The following ACOT12 variants were observed in gnomAD, a reference collection of about 807,000 sequenced individuals.
The protein encoded by ACOT12 is acyl-CoA thioesterase 12, also known as acetyl-coenzyme A thioesterase.
Under a neutral mutation model 67.7 loss-of-function variants are expected in ACOT12, and 51 were observed. The ratio of observed to expected loss-of-function variants is 0.75; its 90% CI spans 0.60 to 0.95. The LOEUF (loss-of-function observed/expected upper bound fraction) is 0.95. Among genes scored for constraint, ACOT12 ranks in the 40% least tolerant of loss-of-function variants. The pLI, the probability that ACOT12 is intolerant of heterozygous loss-of-function variation, is 0.00. For synonymous variants in ACOT12, 251 were observed against 244.6 expected, an observed-to-expected ratio of 1.03 and a Z score of -0.24; for missense variants, 734 against 708.1, an observed-to-expected ratio of 1.04 and a Z score of -0.41.
the ACOT12 span, chr5:81,312,817 T>A: frequency 1.9e-6 from 1 of 538,504 alleles, no homozygotes; most frequent in Non-Finnish European, 3.3e-6. Context: ...TTATTCTGTC[T>A]ATCAAATAGT....
At position 81,343,885 on chromosome 5, in the gene ACOT12, GA is replaced by G. The variant is rs745476105; in HGVS notation, c.981-5del. 1.6e-4 allele frequency: 248 copies of G among 1,597,576 alleles called. No individual in the cohort carries two copies. Among genetic ancestry groups the G allele is most frequent in the Non-Finnish European group, 2.0e-4 (238 of 1,170,946 alleles). On this transcript the variant is annotated splice_region_variant and splice_polypyrimidine_tract_variant and intron_variant, in intron 9 of 14. Coordinates refer to ENST00000307624, the MANE Select transcript of ACOT12 (RefSeq NM_130767.3). ...TTTGTGGGAAATAACATATTTTCTGGAAAAAAAAATTAAAGTGTTAAATGAC... is the reference window on the plus strand; with the variant it reads ...TTTGTGGGAAATAACATATTTTCTGGAAAAAAAATTAAAGTGTTAAATGAC...
At chr5:81,382,579 C>T (rs113144140) in intron 2 of ACOT12, among the ~76,000 whole-genome samples, 15,897 of 151,932 alleles carry the variant, frequency 0.1, 887 homozygotes, top group South Asian at 0.13. Flanking sequence ...GGTGGATCAC[C>T]TGAGATCAGG....
intron 5 of ACOT12, among the ~76,000 whole-genome samples, chr5:81,355,807 G>A (rs1759693910): frequency 6.6e-6 from 1 of 152,206 alleles, no homozygotes; most frequent in African/African-American, 2.4e-5. Context: ...AGAGGCCAGA[G>A]AGGAGCAAGT....
chr5:81,371,621 C>T lies in ACOT12; in HGVS notation c.258+129G>A, dbSNP rs549400374. 454 of 887,770 alleles carry T rather than the reference C, an allele frequency of 5.1e-4. 1 individual carries two copies. Among genetic ancestry groups the T allele is most frequent in the Non-Finnish European group, 7.5e-4 (422 of 563,698 alleles). 55.0% of individuals were successfully genotyped at this position (887,770 alleles called of 1,614,324 possible). ...ATTATTTACCTGTGACCTGACTACA[C>T]ATTCCAGAGCCTTCTGAAATAGAGA... is the stretch of plus-strand genomic sequence containing the variant. On this transcript the variant is annotated intron_variant, in intron 3 of 14. Coordinates refer to ENST00000307624, the MANE Select transcript of ACOT12 (RefSeq NM_130767.3).
intron 1 of ACOT12, 52 bp downstream of exon 1, chr5:81,393,936 C>A (rs969381494): frequency 9.3e-6 from 12 of 1,286,196 alleles, no homozygotes; most frequent in Middle Eastern, 3.0e-4. Flanking sequence ...CAGCCGCCGC[C>A]GCTCCCGCAG....
the ACOT12 span, among the ~76,000 whole-genome samples, chr5:81,323,633 A>T: frequency 7.2e-5 from 11 of 152,086 alleles, no homozygotes; most frequent in African/African-American, 2.7e-4. Flanking sequence ...AGTTCTGAAT[A>T]ATCATCTAAT....
chr5:81,361,440 A>G lies in ACOT12; in HGVS notation c.361-1402T>C, dbSNP rs1025566765. 3.9e-5 allele frequency among the ~76,000 whole-genome samples: 6 copies of G among 151,986 alleles called. No individual in the cohort carries two copies. The East Asian group carries it at 9.7e-4, about 25-fold the overall frequency. On this transcript the variant is annotated intron_variant, in intron 4 of 14. Transcript: ENST00000307624. ...GGTCTCAAACTTCTGGCCTCAAGCA[A>G]TCCTTCCTTCTCAGCCTCCCAAAGC...
At chr5:81,325,256 T>A (rs189737169), downstream of ACOT12, among the ~76,000 whole-genome samples, 18 of 152,238 alleles carry the variant, frequency 1.2e-4, no homozygotes, top group Middle Eastern at 3.4e-3. Flanking sequence ...ATGACCTGAG[T>A]CAGGGTAAGA....
At chr5:81,339,780 A>G (rs1759130449) in intron 11 of ACOT12, among the ~76,000 whole-genome samples, 1 of 152,204 alleles carries the variant, frequency 6.6e-6, no homozygotes, top group Non-Finnish European at 1.5e-5. Context: ...TAATTCTATC[A>G]TTATACATGA....
At chr5:81,332,454 A>G in intron 13 of ACOT12, 23 bp downstream of exon 13, 1 of 1,611,736 alleles carries the variant, frequency 6.2e-7, no homozygotes, top group Non-Finnish European at 8.5e-7. Flanking sequence ...TATTAATAGA[A>G]CACTTGGACT....
chr5:81,340,692 G>T (rs1759166904), intron 11 of ACOT12, among the ~76,000 whole-genome samples: 2 of 152,128 alleles, frequency 1.3e-5, no homozygotes, highest in South Asian at 4.1e-4. Flanking sequence ...CAACTGTGTT[G>T]TAAGAATTAT....
chr5:81,393,848 G>A (rs1361366141), intron 1 of ACOT12, 140 bp downstream of exon 1: 57 of 972,006 alleles, frequency 5.9e-5, no homozygotes, highest in Non-Finnish European at 7.5e-5. Context: ...GCGCACTGTT[G>A]CAACACCCCT....
intron 1 of ACOT12, among the ~76,000 whole-genome samples, chr5:81,388,378 A>G (rs905982124): frequency 6.6e-6 from 1 of 152,192 alleles, no homozygotes; most frequent in Admixed American, 6.5e-5. Flanking sequence ...ACGAGTGTCA[A>G]TTAGATGACA....
rs1758802125 is a variant in ACOT12 at position 81,330,938 on chromosome 5, T to C, written c.1394A>G (p.Asn465Ser). 1.3e-6 allele frequency: 2 copies of C among 1,583,874 alleles called. No homozygotes were observed. Among genetic ancestry groups the C allele is most frequent in the Non-Finnish European group, 1.7e-6 (2 of 1,167,232 alleles). ...CGACTTCACTGCCACTGTGTAAGTG[T>C]TACTGAAAGAAAACACTTTCTAAGC... ...VSRRKPLKDG[N>S]TYTVAVKSVI... The change falls in exon 14 of 15, where the codon AAC becomes AGC. Residue 465 changes from asparagine (N) to serine (S), a missense_variant and splice_region_variant. Asn to Ser is a conservative substitution (Grantham distance 46). Transcript: ENST00000307624.
intron 14 of ACOT12, 135 bp from the exon 15 acceptor site, chr5:81,330,678 G>A (rs62621795): frequency 3.7e-4 from 545 of 1,479,816 alleles, no homozygotes; most frequent in Non-Finnish European, 4.6e-4. Context: ...TAGATGATCC[G>A]AAAGGATGAC....
chr5:81,317,501 CAAA>C, the ACOT12 span, among the ~76,000 whole-genome samples: 13 of 109,088 alleles, frequency 1.2e-4, no homozygotes, highest in Admixed American at 1.8e-4. Flanking sequence ...GACTCCATCC[CAAA>C]AAAAAAAAAA....
At chr5:81,342,892 A>G in intron 10 of ACOT12, 137 bp from the exon 11 acceptor site, 1 of 893,792 alleles carries the variant, frequency 1.1e-6, no homozygotes, top group Non-Finnish European at 1.7e-6. Flanking sequence ...GTTTAGAACT[A>G]AACTACAGGC....
chr5:81,381,993 A>C (rs915007366), intron 2 of ACOT12, among the ~76,000 whole-genome samples: 3 of 152,158 alleles, frequency 2.0e-5, no homozygotes, highest in Admixed American at 2.0e-4. Context: ...GTTAGTGATA[A>C]TATTGGTACT....
chr5:81,389,228 T>C (rs989211787), intron 1 of ACOT12, among the ~76,000 whole-genome samples: 7 of 152,016 alleles, frequency 4.6e-5, no homozygotes, highest in Non-Finnish European at 8.8e-5. Flanking sequence ...ACTACAAAGG[T>C]CCTGGTGACT....
Sources: allele counts gnomAD v4.1 joint callset (sites outside exome capture counted in the v4.1 genomes callset), GRCh38; gene constraint gnomAD v4.1.1; transcripts MANE v1.5; gene names NCBI Gene and HGNC (gene_info 2026-07-23, HGNC 2026-07-21).